The following ANK2 variants were observed in gnomAD, a reference collection of about 807,000 sequenced individuals.
ANK2 encodes the protein ankyrin-2.
In ANK2, 83 loss-of-function variants were observed where a neutral mutation model predicts 360.5. The ratio of observed to expected loss-of-function variants is 0.23; its 90% CI spans 0.19 to 0.28. The LOEUF (loss-of-function observed/expected upper bound fraction) is 0.28. Among genes scored for constraint, ANK2 ranks in the 10% least tolerant of loss-of-function variants. ANK2 has a pLI of 1.00. For synonymous variants in ANK2, 1,740 were observed against 1,759.5 expected, an observed-to-expected ratio of 0.99 and a Z score of 0.28; for missense variants, 4,201 against 4,795.7, an observed-to-expected ratio of 0.88 and a Z score of 3.66.
At chr4:113,005,306 T>C (rs1035373331) in intron 2 of ANK2, among the ~76,000 whole-genome samples, 1 of 152,200 alleles carries the variant, frequency 6.6e-6, no homozygotes, top group Admixed American at 6.5e-5. Flanking sequence ...ATCACAGCAC[T>C]ATTCACAATA....
At position 113,318,553 on chromosome 4, in the gene ANK2, T is replaced by G. The variant is rs2084182350; in HGVS notation, c.2833T>G (p.Tyr945Asp). The G allele has an allele frequency of 1.2e-6, 2 of 1,613,902 alleles. No homozygotes were observed. Among genetic ancestry groups the G allele is most frequent in the African/African-American group, 2.7e-5 (2 of 75,058 alleles). ...AGCCAAGGAGGCAGAAAGGAATTCT[T>G]ATCGCCTAAGCTGGGGCACTGAGAA... ...TLAKEAERNS[Y>D]RLSWGTENLD... Residue 945 changes from tyrosine to aspartate, a missense_variant, in exon 26 of 46, where the codon TAT becomes GAT. Tyr to Asp is a radical substitution (Grantham distance 160, BLOSUM62 -3). Transcript: ENST00000357077.
At chr4:113,225,255 T>C (rs1426035286) in intron 4 of ANK2, among the ~76,000 whole-genome samples, 1 of 152,178 alleles carries the variant, frequency 6.6e-6, no homozygotes, top group Non-Finnish European at 1.5e-5. Context: ...TCCAGCAGCA[T>C]TTTATTCATG....
intron 1 of ANK2, among the ~76,000 whole-genome samples, chr4:112,846,399 G>A (rs1162948274): frequency 1.3e-5 from 2 of 152,130 alleles, no homozygotes; most frequent in Non-Finnish European, 2.9e-5. Context: ...ACAGACATGA[G>A]CCACCGCACC....
intron 1 of ANK2, among the ~76,000 whole-genome samples, chr4:113,080,917 C>G (rs1394983005): frequency 1.3e-5 from 2 of 152,062 alleles, no homozygotes; most frequent in African/African-American, 4.8e-5. Flanking sequence ...CACAGGAAAG[C>G]CCATTAGGGA....
At chr4:113,011,185 A>G (rs1279339300) in intron 2 of ANK2, among the ~76,000 whole-genome samples, 1 of 152,126 alleles carries the variant, frequency 6.6e-6, no homozygotes, top group Non-Finnish European at 1.5e-5. Flanking sequence ...CTAATGTCAC[A>G]TTTTTATACA....
At chr4:113,193,549 G>T (rs915950672) in intron 2 of ANK2, among the ~76,000 whole-genome samples, 3 of 152,088 alleles carry the variant, frequency 2.0e-5, no homozygotes, top group Non-Finnish European at 4.4e-5. Flanking sequence ...ATTTTTAATT[G>T]GATTTTTTCT....
At chr4:112,993,474 T>G (rs972223731) in intron 2 of ANK2, among the ~76,000 whole-genome samples, 1 of 151,774 alleles carries the variant, frequency 6.6e-6, no homozygotes, top group Non-Finnish European at 1.5e-5. Context: ...GGCTAATTTT[T>G]TTTTTGTATT....
In ANK2 at chr4:113,354,090, C is replaced by A. The variant is rs377600524; in HGVS notation, c.5472C>A (p.Ser1824=). ...AGAGACATGCGCCAGGGTCTCCCTC[C>A]CCTAAAACAGAAAGACACTCTACTC... is the stretch of plus-strand genomic sequence containing the variant. ...KSERHAPGSP[S]PKTERHSTLS... is the part of the protein sequence containing the mutation. Residue 1824 remains serine (S), a synonymous_variant, in exon 38 of 46, where the codon TCC becomes TCA. Coordinates refer to ENST00000357077, the MANE Select transcript of ANK2 (RefSeq NM_001148.6). The A allele has an allele frequency of 5.6e-6, 9 of 1,614,062 alleles. No homozygotes were observed. The highest frequency in any genetic ancestry group is 7.6e-6 in the Non-Finnish European group (9 of 1,179,976).
Position 113,381,981 on chromosome 4 carries a change from C to T in ANK2, c.*510C>T, listed in dbSNP as rs560205760. ...TTCACCTGCAGACCTCTTCAAGTGA[C>T]ACTATGTAGGAATCCTTCCAAGGAA... On this transcript the variant is annotated 3_prime_UTR_variant, in exon 46 of 46. Coordinates refer to ENST00000357077, the MANE Select transcript of ANK2 (RefSeq NM_001148.6). 3.3e-6 allele frequency: 1 copy of T among 306,510 alleles called. No individual in the cohort carries two copies. Among genetic ancestry groups the T allele is most frequent in the Non-Finnish European group, 6.5e-6 (1 of 154,476 alleles). 19.0% of individuals were successfully genotyped at this position (306,510 alleles called of 1,614,324 possible).
At chr4:113,343,166 G>C (rs1193271293) in intron 34 of ANK2, 24 bp downstream of exon 34, 1 of 1,610,606 alleles carries the variant, frequency 6.2e-7, no homozygotes, top group African/African-American at 1.3e-5. Context: ...GGAATTTTGT[G>C]ATGCATTTTT....
chr4:112,946,588 C>T (rs569018249), intron 2 of ANK2, among the ~76,000 whole-genome samples: 1 of 152,298 alleles, frequency 6.6e-6, no homozygotes, highest in East Asian at 1.9e-4. Context: ...TGCACTATTT[C>T]TAACTTACAA....
intron 1 of ANK2, among the ~76,000 whole-genome samples, chr4:113,125,919 A>T (rs1394297206): frequency 6.6e-6 from 1 of 152,210 alleles, no homozygotes; most frequent in Non-Finnish European, 1.5e-5. Context: ...TTTCTTTAAT[A>T]GGTGTTACCT....
chr4:112,829,032 A>T (rs1241183770), intron 1 of ANK2, among the ~76,000 whole-genome samples: 2 of 152,164 alleles, frequency 1.3e-5, no homozygotes, highest in African/African-American at 4.8e-5. Context: ...TGGCGCCTGT[A>T]ATCCCAGCTA....
At chr4:112,920,696 T>G (rs1480113218) in intron 2 of ANK2, among the ~76,000 whole-genome samples, 1 of 152,122 alleles carries the variant, frequency 6.6e-6, no homozygotes, top group African/African-American at 2.4e-5. Context: ...GATAAGCCAT[T>G]TATTTGCTTA....
intron 1 of ANK2, among the ~76,000 whole-genome samples, chr4:113,114,812 A>G (rs1479865185): frequency 6.6e-6 from 1 of 152,152 alleles, no homozygotes; most frequent in Non-Finnish European, 1.5e-5. Flanking sequence ...ATATTTTGAT[A>G]GTGTATCAGC....
intron 4 of ANK2, among the ~76,000 whole-genome samples, chr4:113,215,264 T>C (rs2099072997): frequency 6.6e-6 from 1 of 152,202 alleles, no homozygotes; most frequent in African/African-American, 2.4e-5. Flanking sequence ...CTTGGGCTTA[T>C]TACTTAACCT....
At chr4:112,826,410 C>A in intron 1 of ANK2, 1 of 1,024,358 alleles carries the variant, frequency 9.8e-7, no homozygotes, top group Non-Finnish European at 1.5e-6. Context: ...AGAAGTAACA[C>A]TTTCCCTACC....
At chr4:112,932,996 T>TTCA (rs777252479) in intron 2 of ANK2, among the ~76,000 whole-genome samples, 25 of 152,320 alleles carry the variant, frequency 1.6e-4, no homozygotes, top group Non-Finnish European at 2.9e-4. Flanking sequence ...AGGGGCATGA[T>TTCA]TCATGAATAA....
At chr4:113,195,944 T>C (rs1362364013) in intron 2 of ANK2, among the ~76,000 whole-genome samples, 1 of 152,176 alleles carries the variant, frequency 6.6e-6, no homozygotes, top group Non-Finnish European at 1.5e-5. Flanking sequence ...GGAGTACATC[T>C]TCGTAAGTGT....
Sources: allele counts gnomAD v4.1 joint callset (sites outside exome capture counted in the v4.1 genomes callset), GRCh38; gene constraint gnomAD v4.1.1; transcripts MANE v1.5; gene names NCBI Gene and HGNC (gene_info 2026-07-23, HGNC 2026-07-21).